Variants in TNIK observed in about 807,000 individuals in gnomAD.
TNIK encodes TRAF2 and NCK-interacting protein kinase.
A neutral mutation model predicts 191.3 loss-of-function variants in TNIK; 49 were observed. The observed-to-expected ratio is 0.26, with a 90% CI of 0.20 to 0.32. The LOEUF (loss-of-function observed/expected upper bound fraction) is 0.32, where lower values mean the gene tolerates loss of function less well. Ranked by LOEUF, TNIK falls within the 10% of genes least tolerant of loss-of-function variation. TNIK has a pLI of 1.00. For synonymous variants in TNIK, 594 were observed against 600.9 expected, an observed-to-expected ratio of 0.99 and a Z score of 0.17; for missense variants, 1,155 against 1,702.3, an observed-to-expected ratio of 0.68 and a Z score of 5.66.
At chr3:171,259,307 C>T (rs1747298930) in intron 2 of TNIK, among the ~76,000 whole-genome samples, 4 of 152,144 alleles carry the variant, frequency 2.6e-5, no homozygotes, top group Admixed American at 2.0e-4. Context: ...TTTCAAGAGT[C>T]GCCATTAGGA....
chr3:171,074,043 T>TA (rs1719568742), intron 28 of TNIK, among the ~76,000 whole-genome samples: 1 of 151,690 alleles, frequency 6.6e-6, no homozygotes, highest in African/African-American at 2.4e-5. Flanking sequence ...TTTTTTTTTT[T>TA]TTTAAATCAA....
At chr3:171,369,588 A>G (rs780819748) in intron 2 of TNIK, 32 bp downstream of exon 2, 1 of 1,546,998 alleles carries the variant, frequency 6.5e-7, no homozygotes, top group Non-Finnish European at 8.8e-7. Flanking sequence ...CTGAAACCGT[A>G]CATAAGCCAC....
intron 22 of TNIK, among the ~76,000 whole-genome samples, chr3:171,096,199 T>A (rs1182935097): frequency 2.6e-5 from 4 of 152,196 alleles, no homozygotes; most frequent in African/African-American, 9.7e-5. Context: ...GCCAGGCTGA[T>A]GCTTGTACAA....
chr3:171,388,910 A>G (rs956562871), intron 1 of TNIK, among the ~76,000 whole-genome samples: 24 of 152,130 alleles, frequency 1.6e-4, no homozygotes, highest in Non-Finnish European at 1.5e-4. Flanking sequence ...TGTTATTGGT[A>G]TCTCTAGTTT....
intron 2 of TNIK, among the ~76,000 whole-genome samples, chr3:171,309,507 C>T (rs997245000): frequency 6.6e-6 from 1 of 152,104 alleles, no homozygotes; most frequent in Non-Finnish European, 1.5e-5. Context: ...CTGAAGCATG[C>T]AATTTATCTG....
At chr3:171,104,065 A>AGTTTAATTG (rs1461374368) in intron 21 of TNIK, among the ~76,000 whole-genome samples, 4 of 1,800 alleles carry the variant, frequency 2.2e-3, no homozygotes, top group Admixed American at 5.4e-3. Context: ...AGAAATAACA[A>AGTTTAATTG]TTAAACTTAA....
At chr3:171,107,256 CCAGCAGAAAGG>C (rs761958577) in intron 20 of TNIK, 50 bp from the exon 21 acceptor site, 1 of 1,583,758 alleles carries the variant, frequency 6.3e-7, no homozygotes, top group Non-Finnish European at 8.6e-7. Context: ...GGAGGAAAAG[CCAGCAGAAAGG>C]CAGCAGATTA....
chr3:171,313,573 T>C (rs1754287866), intron 2 of TNIK, among the ~76,000 whole-genome samples: 1 of 152,194 alleles, frequency 6.6e-6, no homozygotes, highest in Non-Finnish European at 1.5e-5. Context: ...AGATATTCAC[T>C]TACAATTAAA....
chr3:171,200,340 G>T (rs1459979009), intron 4 of TNIK, among the ~76,000 whole-genome samples: 2 of 152,204 alleles, frequency 1.3e-5, no homozygotes, highest in African/African-American at 2.4e-5. Flanking sequence ...AAAAAGCACA[G>T]TGTGGAGCAA....
In TNIK at chr3:171,066,701, A is replaced by C. The variant is rs930146001; in HGVS notation, c.3734T>G (p.Ile1245Ser). The change falls in exon 31 of 33, where the codon ATC (isoleucine) becomes AGC (serine). Residue 1245 changes from isoleucine (I) to serine (S), a missense_variant. Around this residue, in one of 3 missense-constraint regions of TNIK, gnomAD observed 195 missense variants for 415.4 expected, o/e 0.47. Coordinates refer to ENST00000436636, the MANE Select transcript of TNIK (RefSeq NM_015028.4). ...TTCCATTCCATCTGTTTTAGGCAAG[A>C]TGACAATAGCATGAGGAGTGATATT... ...QGNITPHAIV[I>S]LPKTDGMEML... 1 of 1,613,814 alleles carries C rather than the reference A, an allele frequency of 6.2e-7. No individual in the cohort carries two copies. The highest frequency in any genetic ancestry group is 8.5e-7 in the Non-Finnish European group (1 of 1,179,858).
At chr3:171,098,175 T>G (rs1722991506) in intron 22 of TNIK, among the ~76,000 whole-genome samples, 1 of 152,190 alleles carries the variant, frequency 6.6e-6, no homozygotes, top group South Asian at 2.1e-4. Context: ...TCTTCCCTAC[T>G]GGAGCATTTG....
intron 1 of TNIK, among the ~76,000 whole-genome samples, chr3:171,394,366 T>C (rs1719966172): frequency 6.6e-6 from 1 of 152,238 alleles, no homozygotes; most frequent in Non-Finnish European, 1.5e-5. Flanking sequence ...CTGAAAACTT[T>C]CTCTGACACT....
At chr3:171,380,524 A>G (rs1460432506) in intron 1 of TNIK, among the ~76,000 whole-genome samples, 1 of 152,250 alleles carries the variant, frequency 6.6e-6, no homozygotes, top group East Asian at 1.9e-4. Context: ...TTTGCTTGAA[A>G]GAATTTTCAA....
rs758751155 is a variant in TNIK, at chr3:171,126,124, G to C, written c.1801C>G (p.Gln601Glu). The change falls in exon 17 of 33, where the codon CAG (glutamine) becomes GAG (glutamate). Residue 601 changes from glutamine (Q) to glutamate (E), a missense_variant. Physicochemically the swap from Gln to Glu is conservative, Grantham distance 29. Around this residue, in one of 3 missense-constraint regions of TNIK, gnomAD observed 735 missense variants for 848.0 expected, o/e 0.87. Transcript: ENST00000436636. ...TGGGAGGCGGTCAAGGCAGGTCCCT[G>C]GGATTTTACAGCTACCAGATGTGGG... is the stretch of plus-strand genomic sequence containing the variant. Reference protein sequence around the residue: ...QIPHLVAVKSQGPALTASQSV... With the variant: ...QIPHLVAVKSEGPALTASQSV... 1 of 1,554,766 alleles carries C rather than the reference G, an allele frequency of 6.4e-7. No individual in the cohort carries two copies. Among genetic ancestry groups the C allele is most frequent in the Non-Finnish European group, 8.7e-7 (1 of 1,153,606 alleles).
rs1389125203 is a variant in TNIK, at chr3:171,214,349, AC to A, written c.181-3109del. Among the ~76,000 whole-genome samples, 5 of 152,132 alleles carry A rather than the reference AC, an allele frequency of 3.3e-5. No individual in the cohort carries two copies. In the East Asian group the frequency reaches 7.7e-4, roughly 23 times the overall value. The stretch of plus-strand genomic sequence containing the variant: ...AGAGAGCAAGGGAGGCTAGAATTAA[AC>A]TAAAAAGTTATAAGTGAAAAAGTTA... On this transcript the variant is annotated intron_variant, in intron 3 of 32. Transcript: ENST00000436636.
chr3:171,435,591 C>G (rs1353966211), intron 1 of TNIK, among the ~76,000 whole-genome samples: 1 of 152,100 alleles, frequency 6.6e-6, no homozygotes, highest in Non-Finnish European at 1.5e-5. Context: ...GTTTTTTAAT[C>G]AAAAATAACT....
At chr3:171,417,177 A>G (rs1723192881) in intron 1 of TNIK, among the ~76,000 whole-genome samples, 2 of 152,364 alleles carry the variant, frequency 1.3e-5, no homozygotes, top group South Asian at 4.1e-4. Flanking sequence ...TAACAATAAA[A>G]CTACTCTTTG....
intron 1 of TNIK, among the ~76,000 whole-genome samples, chr3:171,404,648 T>C (rs1466933086): frequency 6.6e-6 from 1 of 152,176 alleles, no homozygotes; most frequent in Non-Finnish European, 1.5e-5. Flanking sequence ...AGTTCTTATA[T>C]ATTCTCTCAT....
At chr3:171,285,307 A>C (rs1399481283) in intron 2 of TNIK, among the ~76,000 whole-genome samples, 2 of 152,228 alleles carry the variant, frequency 1.3e-5, no homozygotes, top group Non-Finnish European at 2.9e-5. Flanking sequence ...CAGCCACTTA[A>C]ATTCCTCAGC....
Sources: gnomAD v4.1 joint callset for allele counts (sites outside exome capture counted in the v4.1 genomes callset) on GRCh38, gnomAD v4.1.1 for gene constraint, gnomAD v4.1.1 regional missense constraint, MANE v1.5 for transcripts, NCBI Gene and HGNC (gene_info 2026-07-23, HGNC 2026-07-21) for gene names.